Variants in AGBL1 observed in about 807,000 individuals in gnomAD.
The protein encoded by AGBL1 is cytosolic carboxypeptidase 4.
Under a neutral mutation model 118.9 loss-of-function variants are expected in AGBL1, and 130 were observed. That is an observed-to-expected ratio of 1.09 (90% CI 0.95 to 1.26). The LOEUF (loss-of-function observed/expected upper bound fraction) is 1.26. Ranked by LOEUF, AGBL1 falls within the 50% of genes most tolerant of loss-of-function variation. AGBL1 has a pLI of 0.00. For synonymous variants in AGBL1, 555 were observed against 478.9 expected (o/e 1.16, Z -2.08); for missense variants, 1,584 against 1,298.1 (o/e 1.22, Z -3.38).
downstream of AGBL1, among the ~76,000 whole-genome samples, chr15:86,918,298 G>A (rs551152259): frequency 3.9e-4 from 60 of 152,320 alleles, no homozygotes; most frequent in African/African-American, 1.3e-3. Context: ...CTTGGGCAAA[G>A]TGAGTGGTTA....
chr15:86,777,805 A>G (rs1240756956), intron 22 of AGBL1, among the ~76,000 whole-genome samples: 4 of 152,144 alleles, frequency 2.6e-5, no homozygotes, highest in Non-Finnish European at 5.9e-5. Context: ...CACATTTAAC[A>G]TATATAAAGA....
intron 5 of AGBL1, among the ~76,000 whole-genome samples, chr15:86,176,844 G>C (rs1253619544): frequency 6.6e-6 from 1 of 152,190 alleles, no homozygotes; most frequent in Non-Finnish European, 1.5e-5. Context: ...GGGCTCTCCT[G>C]TGGCTAGGAT....
chr15:86,944,635 G>T (rs1490226957), intron 23 of AGBL1, among the ~76,000 whole-genome samples: 1 of 152,136 alleles, frequency 6.6e-6, no homozygotes, highest in Non-Finnish European at 1.5e-5. Context: ...GATAGTCCAA[G>T]AATATGTAGT....
rs1279960029 is a variant in AGBL1 at position 86,167,135 on chromosome 15, T to A, written c.488+8109T>A. On this transcript the variant is annotated intron_variant, in intron 5 of 22. Transcript: ENST00000614907. The stretch of plus-strand genomic sequence containing the variant: ...ACAACACTGTAACCACCTACAAATA[T>A]GGAGGAAAGGGAGTTTGAGGAACTT... 2.0e-5 allele frequency among the ~76,000 whole-genome samples: 3 copies of A among 152,146 alleles called. No individual in the cohort carries two copies. In the East Asian group the frequency reaches 5.8e-4, roughly 29 times the overall value.
At chr15:86,668,370 A>T (rs967728095) in intron 21 of AGBL1, among the ~76,000 whole-genome samples, 2 of 152,164 alleles carry the variant, frequency 1.3e-5, no homozygotes, top group African/African-American at 4.8e-5. Context: ...CTCAATAGTG[A>T]TGTCACTTCT....
At chr15:86,239,703 C>T in intron 6 of AGBL1, among the ~76,000 whole-genome samples, 1 of 152,156 alleles carries the variant, frequency 6.6e-6, no homozygotes, top group South Asian at 2.1e-4. Flanking sequence ...AATTTAGGGC[C>T]CTGAGAGGGA....
chr15:86,313,187 A>G (rs2079945844), intron 17 of AGBL1, among the ~76,000 whole-genome samples: 3 of 152,144 alleles, frequency 2.0e-5, no homozygotes, highest in African/African-American at 4.8e-5. Context: ...GATTATCTCA[A>G]TATTTTGCAG....
intron 5 of AGBL1, among the ~76,000 whole-genome samples, chr15:86,162,456 C>G (rs1032744903): frequency 2.0e-5 from 3 of 152,176 alleles, no homozygotes; most frequent in Non-Finnish European, 2.9e-5. Context: ...ACAACAGAAG[C>G]TCCAACCACA....
chr15:87,025,895 CAT>C (rs144301537), intron 24 of AGBL1, among the ~76,000 whole-genome samples: 6,232 of 151,962 alleles, frequency 0.041, 400 homozygotes, highest in African/African-American at 0.14. Context: ...CAAACAAAAA[CAT>C]AGAGTGGGGA....
chr15:86,196,879 GCACACACACACACACACACA>G lies in AGBL1; in HGVS notation c.489-28007_489-27988del, dbSNP rs59632011. 5.1e-5 allele frequency among the ~76,000 whole-genome samples: 6 copies of G among 116,962 alleles called. No individual in the cohort carries two copies. The East Asian group carries it at 9.5e-4, about 18-fold the overall frequency. The allele number at this position is 116,962 out of a possible 152,430, so 76.7% of individuals were successfully genotyped here. ...CGAATGTGCACATGTGCGCGCGCGC[GCACACACACACACACACACA>G]CACACACACACACACACACACACAC... On this transcript the variant is annotated intron_variant, in intron 5 of 22. Coordinates refer to ENST00000614907, the MANE Select transcript of AGBL1 (RefSeq NM_001386094.1).
intron 23 of AGBL1, among the ~76,000 whole-genome samples, chr15:86,957,707 A>G (rs2080944679): frequency 6.6e-6 from 1 of 152,114 alleles, no homozygotes; most frequent in South Asian, 2.1e-4. Context: ...TTCCAATTTC[A>G]AAACAAATGT....
intron 5 of AGBL1, among the ~76,000 whole-genome samples, chr15:86,184,432 TC>T (rs1175421103): frequency 2.7e-5 from 4 of 149,138 alleles, no homozygotes; most frequent in African/African-American, 9.8e-5. Context: ...CTTTTTTCTT[TC>T]TTTTTTTTTT....
intron 6 of AGBL1, among the ~76,000 whole-genome samples, chr15:86,241,564 T>G (rs540778038): frequency 6.6e-6 from 1 of 152,068 alleles, no homozygotes; most frequent in Non-Finnish European, 1.5e-5. Context: ...AGATCAAGGG[T>G]GTGGCATCTG....
intron 18 of AGBL1, among the ~76,000 whole-genome samples, chr15:86,495,554 G>GA (rs1327641580): frequency 6.6e-6 from 1 of 151,748 alleles, no homozygotes; most frequent in Non-Finnish European, 1.5e-5. Context: ...GATAGATTCT[G>GA]TTTTTTGATG....
intron 23 of AGBL1, among the ~76,000 whole-genome samples, chr15:86,973,377 T>C (rs1243161522): frequency 6.6e-6 from 1 of 152,048 alleles, no homozygotes. Flanking sequence ...GAGAAATCTA[T>C]TTTATGTAGA....
intron 17 of AGBL1, among the ~76,000 whole-genome samples, chr15:86,313,252 G>A (rs1352110679): frequency 1.3e-5 from 2 of 152,120 alleles, no homozygotes; most frequent in African/African-American, 4.8e-5. Flanking sequence ...GGTTGTAAGT[G>A]ACTATCTTCT....
At chr15:87,027,641 A>G (rs2081745558) in intron 24 of AGBL1, among the ~76,000 whole-genome samples, 1 of 152,086 alleles carries the variant, frequency 6.6e-6, no homozygotes, top group South Asian at 2.1e-4. Context: ...CTAAATGCCC[A>G]TCAATGATAG....
intron 23 of AGBL1, among the ~76,000 whole-genome samples, chr15:86,981,021 C>A (rs151161611): frequency 3.6e-4 from 54 of 151,326 alleles, no homozygotes; most frequent in African/African-American, 1.3e-3. Context: ...TGAGTAGCTG[C>A]GACTACAGGC....
chr15:86,689,399 G>A (rs1249046612), intron 22 of AGBL1, among the ~76,000 whole-genome samples: 4 of 152,032 alleles, frequency 2.6e-5, no homozygotes, highest in Non-Finnish European at 5.9e-5. Context: ...CATGGGAGAA[G>A]GAATTTTATC....
Sources: gnomAD v4.1 joint callset for allele counts (sites outside exome capture counted in the v4.1 genomes callset) on GRCh38, gnomAD v4.1.1 for gene constraint, MANE v1.5 for transcripts, NCBI Gene and HGNC (gene_info 2026-07-23, HGNC 2026-07-21) for gene names.